CDH13: variants seen among roughly 807,000 people sequenced by gnomAD.
CDH13 encodes cadherin 13.
In CDH13, 24 loss-of-function variants were observed where a neutral mutation model predicts 63.8. That is an observed-to-expected ratio of 0.38 (90% CI 0.27 to 0.53). CDH13 has a LOEUF of 0.53. Among genes scored for constraint, CDH13 ranks in the 20% least tolerant of loss-of-function variants. The pLI, the probability that CDH13 is intolerant of heterozygous loss-of-function variation, is 0.85. For synonymous variants in CDH13, 503 were observed against 355.3 expected (o/e 1.42, Z -4.67); for missense variants, 1,049 against 903.1 (o/e 1.16, Z -2.07).
At chr16:82,847,631 C>A (rs189700389) in intron 1 of CDH13, among the ~76,000 whole-genome samples, 1 of 152,178 alleles carries the variant, frequency 6.6e-6, no homozygotes, top group Non-Finnish European at 1.5e-5. Flanking sequence ...CCTTAATTAC[C>A]CTTTGCCATG....
intron 12 of CDH13, among the ~76,000 whole-genome samples, chr16:83,781,707 C>G (rs1291075505): frequency 3.3e-5 from 5 of 151,440 alleles, no homozygotes; most frequent in Non-Finnish European, 1.5e-5. Context: ...TGGCTATAGC[C>G]TATTTGAATA....
chr16:83,412,572 T>A (rs1317748068), intron 6 of CDH13, among the ~76,000 whole-genome samples: 1 of 152,158 alleles, frequency 6.6e-6, no homozygotes, highest in Non-Finnish European at 1.5e-5. Flanking sequence ...CACCTCGAAA[T>A]GGGAGGTGGG....
At chr16:83,645,421 GA>G (rs941402266) in intron 8 of CDH13, among the ~76,000 whole-genome samples, 30 of 152,154 alleles carry the variant, frequency 2.0e-4, no homozygotes, top group Admixed American at 1.5e-3. Context: ...AGATGTTGGG[GA>G]TGAGGGCTGA....
At chr16:83,053,146 A>G (rs528031003) in intron 3 of CDH13, among the ~76,000 whole-genome samples, 1 of 152,338 alleles carries the variant, frequency 6.6e-6, no homozygotes, top group East Asian at 1.9e-4. Context: ...GGAACATAGT[A>G]AGAATTAAAT....
chr16:82,746,167 C>T, intron 1 of CDH13, among the ~76,000 whole-genome samples: 1 of 131,342 alleles, frequency 7.6e-6, no homozygotes, highest in African/African-American at 2.7e-5. Flanking sequence ...TATATACATA[C>T]TATATATTAT....
At chr16:83,589,341 C>T (rs1906511315) in intron 7 of CDH13, among the ~76,000 whole-genome samples, 1 of 133,358 alleles carries the variant, frequency 7.5e-6, no homozygotes. Context: ...CTCTCTGTCT[C>T]CCTCCCTCCT....
intron 3 of CDH13, among the ~76,000 whole-genome samples, chr16:83,055,810 A>C (rs984950431): frequency 6.6e-6 from 1 of 152,180 alleles, no homozygotes; most frequent in African/African-American, 2.4e-5. Context: ...GAAAAATTAT[A>C]AGCCAGTCTC....
intron 5 of CDH13, 38 bp from the exon 6 acceptor site, chr16:83,344,824 A>G: frequency 6.2e-7 from 1 of 1,606,942 alleles, no homozygotes; most frequent in Non-Finnish European, 8.5e-7. Flanking sequence ...ATAATGAATT[A>G]ATATCTTCTT....
chr16:83,740,463 T>C (rs1911956578), intron 10 of CDH13, among the ~76,000 whole-genome samples: 2 of 152,170 alleles, frequency 1.3e-5, no homozygotes, highest in South Asian at 2.1e-4. Context: ...ACACCACAGC[T>C]ACCTCGGTCC....
intron 10 of CDH13, among the ~76,000 whole-genome samples, chr16:83,710,812 G>A (rs987632574): frequency 1.3e-5 from 2 of 152,168 alleles, no homozygotes; most frequent in Admixed American, 6.5e-5. Context: ...CTTGTTATTC[G>A]GAACGGGAGA....
At chr16:83,007,743 G>A (rs577630494) in intron 2 of CDH13, among the ~76,000 whole-genome samples, 73 of 151,328 alleles carry the variant, frequency 4.8e-4, no homozygotes, top group Non-Finnish European at 7.7e-4. Flanking sequence ...AGGATCACTT[G>A]AACCCAGGAG....
chr16:83,325,381 T>A (rs982416201), intron 5 of CDH13, among the ~76,000 whole-genome samples: 1 of 152,082 alleles, frequency 6.6e-6, no homozygotes, highest in Non-Finnish European at 1.5e-5. Flanking sequence ...AGATTGACAT[T>A]TCACCCCAAA....
chr16:83,474,679 T>C (rs768452918), intron 6 of CDH13, among the ~76,000 whole-genome samples: 25 of 152,094 alleles, frequency 1.6e-4, no homozygotes, highest in Non-Finnish European at 7.4e-5. Flanking sequence ...GCCAAGGAAA[T>C]AGCAGTTCTC....
intron 6 of CDH13, among the ~76,000 whole-genome samples, chr16:83,414,600 C>T (rs2092173483): frequency 6.6e-6 from 1 of 152,136 alleles, no homozygotes; most frequent in Non-Finnish European, 1.5e-5. Flanking sequence ...CCCTGACAGA[C>T]ACCAATTCAG....
At chr16:82,890,114 A>G (rs1479407980) in intron 2 of CDH13, among the ~76,000 whole-genome samples, 1 of 152,220 alleles carries the variant, frequency 6.6e-6, no homozygotes, top group Non-Finnish European at 1.5e-5. Context: ...TCGTGATTCT[A>G]GAGACACCAA....
At chr16:82,682,885 T>A (rs1338057642) in intron 1 of CDH13, among the ~76,000 whole-genome samples, 1 of 152,088 alleles carries the variant, frequency 6.6e-6, no homozygotes, top group Non-Finnish European at 1.5e-5. Flanking sequence ...AGTTAGGAAT[T>A]AAGGGAGCAG....
chr16:82,914,750 G>C (rs983652738), intron 2 of CDH13, among the ~76,000 whole-genome samples: 11 of 152,214 alleles, frequency 7.2e-5, no homozygotes, highest in African/African-American at 2.7e-4. Flanking sequence ...ACTCACAGGA[G>C]AGTGGAGAAT....
chr16:83,523,123 C>T (rs1235617291), intron 7 of CDH13, among the ~76,000 whole-genome samples: 2 of 152,194 alleles, frequency 1.3e-5, no homozygotes, highest in African/African-American at 4.8e-5. Flanking sequence ...GCTTCTTCCT[C>T]ATGCACCTGT....
chr16:82,997,229 AGAT>A (rs1408409094), intron 2 of CDH13, among the ~76,000 whole-genome samples: 1 of 151,862 alleles, frequency 6.6e-6, no homozygotes, highest in Non-Finnish European at 1.5e-5. Flanking sequence ...TGGGTGGTAA[AGAT>A]GATAATGCCT....
Sources: allele counts gnomAD v4.1 joint callset (sites outside exome capture counted in the v4.1 genomes callset), GRCh38; gene constraint gnomAD v4.1.1; transcripts MANE v1.5; gene names NCBI Gene and HGNC (gene_info 2026-07-23, HGNC 2026-07-21).